The following KAZN variants were observed in gnomAD, a reference collection of about 807,000 sequenced individuals.
KAZN encodes the protein kazrin, periplakin interacting protein, also known as kazrin.
Under a neutral mutation model 87.4 loss-of-function variants are expected in KAZN, and 40 were observed. The observed-to-expected ratio is 0.46, with a 90% confidence interval of 0.36 to 0.60. KAZN has a LOEUF of 0.60. Among genes scored for constraint, KAZN ranks in the 20% least tolerant of loss-of-function variants. The pLI, the probability that KAZN is intolerant of heterozygous loss-of-function variation, is 0.00. For synonymous variants in KAZN, 466 were observed against 458.3 expected, an observed-to-expected ratio of 1.02 and a Z score of -0.22; for missense variants, 898 against 1,073.9, an observed-to-expected ratio of 0.84 and a Z score of 2.29.
chr1:14,106,525 G>C (rs953166454), intron 1 of KAZN, among the ~76,000 whole-genome samples: 1 of 151,982 alleles, frequency 6.6e-6, no homozygotes, highest in South Asian at 2.1e-4. Flanking sequence ...CTGTCTCCCT[G>C]GGCTCTTCCC....
intron 2 of KAZN, among the ~76,000 whole-genome samples, chr1:14,404,579 G>A (rs953604248): frequency 2.6e-5 from 4 of 152,126 alleles, no homozygotes; most frequent in Non-Finnish European, 5.9e-5. Flanking sequence ...CAGTGCCTAA[G>A]GAGATATGCA....
intron 2 of KAZN, among the ~76,000 whole-genome samples, chr1:14,481,992 T>G (rs895335697): frequency 6.6e-6 from 1 of 152,132 alleles, no homozygotes; most frequent in Non-Finnish European, 1.5e-5. Flanking sequence ...TTTCCACAGC[T>G]CAGAGTGGCT....
At chr1:14,973,673 C>T (rs1435354760) in intron 2 of KAZN, among the ~76,000 whole-genome samples, 2 of 152,002 alleles carry the variant, frequency 1.3e-5, no homozygotes, top group Non-Finnish European at 2.9e-5. Context: ...GGTACTGTGG[C>T]ATGCCTGGGC....
intron 1 of KAZN, among the ~76,000 whole-genome samples, chr1:14,179,312 T>C (rs1294564850): frequency 6.6e-6 from 1 of 152,242 alleles, no homozygotes; most frequent in East Asian, 1.9e-4. Context: ...CTCTTTTCTA[T>C]GCTGGAGTCT....
chr1:13,994,584 C>T (rs1480886327), intron 1 of KAZN, among the ~76,000 whole-genome samples: 1 of 152,286 alleles, frequency 6.6e-6, no homozygotes, highest in South Asian at 2.1e-4. Flanking sequence ...GGGAACAAAA[C>T]AGTCTTTGTT....
chr1:15,015,519 G>A (rs974708483), intron 2 of KAZN, among the ~76,000 whole-genome samples: 10 of 152,252 alleles, frequency 6.6e-5, no homozygotes, highest in Non-Finnish European at 1.3e-4. Flanking sequence ...TGCTCTGTGC[G>A]GCTGGAGCTG....
intron 1 of KAZN, among the ~76,000 whole-genome samples, chr1:14,944,140 T>C (rs537315210): frequency 5.9e-5 from 9 of 151,638 alleles, no homozygotes; most frequent in Non-Finnish European, 1.3e-4. Context: ...CGAGTTTTCT[T>C]GTGGGGGAAG....
At chr1:14,815,866 G>A (rs940046973) in intron 1 of KAZN, among the ~76,000 whole-genome samples, 1 of 152,260 alleles carries the variant, frequency 6.6e-6, no homozygotes, top group East Asian at 1.9e-4. Flanking sequence ...CCTGGGTTCT[G>A]GGCAGATAAA....
At chr1:14,921,069 G>A (rs1434983598) in intron 1 of KAZN, among the ~76,000 whole-genome samples, 1 of 152,036 alleles carries the variant, frequency 6.6e-6, no homozygotes, top group Non-Finnish European at 1.5e-5. Flanking sequence ...AGCTGAGTAA[G>A]GGGGGCATGG....
chr1:14,704,985 C>T (rs138157118), intron 1 of KAZN, among the ~76,000 whole-genome samples: 99 of 152,300 alleles, frequency 6.5e-4, no homozygotes, highest in African/African-American at 2.3e-3. Flanking sequence ...CACTATCTAG[C>T]CACATGGTTT....
At chr1:14,834,711 G>A (rs1647168982) in intron 1 of KAZN, among the ~76,000 whole-genome samples, 3 of 152,072 alleles carry the variant, frequency 2.0e-5, no homozygotes, top group South Asian at 2.1e-4. Context: ...AATTTGTATC[G>A]AGTAACTTGC....
chr1:14,419,013 G>A (rs542082508), intron 2 of KAZN, among the ~76,000 whole-genome samples: 10 of 152,286 alleles, frequency 6.6e-5, no homozygotes, highest in East Asian at 1.9e-4. Context: ...AACTGTCAAC[G>A]AGTGTTCAAT....
intron 2 of KAZN, among the ~76,000 whole-genome samples, chr1:14,295,678 A>G (rs1003232618): frequency 6.6e-6 from 1 of 152,132 alleles, no homozygotes; most frequent in Non-Finnish European, 1.5e-5. Flanking sequence ...AAACCCATGC[A>G]CACACACACA....
At chr1:14,977,781 C>A (rs1054932097) in intron 2 of KAZN, among the ~76,000 whole-genome samples, 2 of 151,986 alleles carry the variant, frequency 1.3e-5, no homozygotes, top group African/African-American at 2.4e-5. Flanking sequence ...CGAAGCCAAG[C>A]AGTTTTCTGG....
At chr1:14,999,431 C>T (rs1668224995) in intron 2 of KAZN, among the ~76,000 whole-genome samples, 2 of 152,022 alleles carry the variant, frequency 1.3e-5, no homozygotes, top group African/African-American at 4.8e-5. Context: ...GCTCACAATG[C>T]TCCTTCATTC....
intron 1 of KAZN, among the ~76,000 whole-genome samples, chr1:14,000,257 C>T (rs1313145008): frequency 6.6e-6 from 1 of 152,142 alleles, no homozygotes; most frequent in African/African-American, 2.4e-5. Context: ...AAGAAAACTT[C>T]AGGCCAATAT....
chr1:14,609,913 TGCACA>T (rs1313167301), intron 1 of KAZN, among the ~76,000 whole-genome samples: 1 of 152,238 alleles, frequency 6.6e-6, no homozygotes, highest in Non-Finnish European at 1.5e-5. Context: ...CAGGCCCAGC[TGCACA>T]GTGTGGGAAG....
intron 2 of KAZN, among the ~76,000 whole-genome samples, chr1:14,257,556 C>A (rs897822938): frequency 7.1e-6 from 1 of 140,772 alleles, no homozygotes; most frequent in Non-Finnish European, 1.5e-5. Flanking sequence ...ATGCCTATGT[C>A]CTGAATGGTA....
intron 7 of KAZN, 72 bp from the exon 8 acceptor site, chr1:15,065,558 A>C: frequency 7.6e-7 from 1 of 1,321,396 alleles, no homozygotes; most frequent in Non-Finnish European, 1.1e-6. Context: ...CATCCACTGC[A>C]GTCTGCACCC....
Sources: allele counts gnomAD v4.1 joint callset (sites outside exome capture counted in the v4.1 genomes callset), GRCh38; gene constraint gnomAD v4.1.1; transcripts MANE v1.5; gene names NCBI Gene and HGNC (gene_info 2026-07-23, HGNC 2026-07-21).